SMCR8: variants seen among roughly 807,000 people sequenced by gnomAD.
The protein encoded by SMCR8 is SMCR8-C9orf72 complex subunit.
A neutral mutation model predicts 56.6 loss-of-function variants in SMCR8; 30 were observed. The observed-to-expected ratio is 0.53, with a 90% confidence interval of 0.40 to 0.72. The LOEUF is 0.72. Ranked by LOEUF, SMCR8 falls within the 30% of genes least tolerant of loss-of-function variation. The pLI, the probability that SMCR8 is intolerant of heterozygous loss-of-function variation, is 0.00. For missense variants in SMCR8, 1,198 were observed against 1,157.0 expected (o/e 1.04, Z -0.51); for synonymous variants, 538 against 456.0 (o/e 1.18, Z -2.29).
Position 18,317,780 on chromosome 17 carries a change from G to C in SMCR8, c.1991G>C (p.Ser664Thr), listed in dbSNP as rs1460979516. 3 of 1,614,180 alleles carry C rather than the reference G, an allele frequency of 1.9e-6. No homozygotes were observed. The highest frequency in any genetic ancestry group is 1.7e-5 in the Admixed American group (1 of 60,028). The change falls in exon 1 of 2, where the codon AGT becomes ACT. Residue 664 changes from serine (S) to threonine (T), a missense_variant. Ser to Thr is a moderately conservative substitution (Grantham distance 58). Transcript: ENST00000406438. ...PSHLLASRDI[S>T]KTSLDNYSDT... ...CACCTGCTGGCTAGCCGGGACATCA[G>C]TAAGACCAGCCTGGACAACTACTCA...
Position 18,315,844 on chromosome 17 carries a change from G to A in SMCR8, c.55G>A (p.Glu19Lys), listed in dbSNP as rs1329172835. The A allele has an allele frequency of 6.2e-7, 1 of 1,612,648 alleles. No individual in the cohort carries two copies. Among genetic ancestry groups the A allele is most frequent in the Non-Finnish European group, 8.5e-7 (1 of 1,178,810 alleles). Residue 19 changes from glutamate (E) to lysine (K), a missense_variant, in exon 1 of 2, where the codon GAG becomes AAG. Physicochemically the swap from Glu to Lys is moderately conservative, Grantham distance 56. Coordinates refer to ENST00000406438, the MANE Select transcript of SMCR8 (RefSeq NM_144775.3). ...AFTKEEEYEE[E>K]PYNEPALPEE... ...CACCAAAGAGGAAGAGTATGAAGAAGAGCCTTACAATGAGCCGGCCCTGCC... is the reference window on the plus strand; with the variant it reads ...CACCAAAGAGGAAGAGTATGAAGAAAAGCCTTACAATGAGCCGGCCCTGCC...
At chr17:18,320,154 G>C (rs1422741730) in intron 1 of SMCR8, among the ~76,000 whole-genome samples, 1 of 152,246 alleles carries the variant, frequency 6.6e-6, no homozygotes, top group Non-Finnish European at 1.5e-5. Context: ...TTGACCACTT[G>C]CTAGCTAGGT....
In SMCR8 at chr17:18,315,995, C is replaced by T; in HGVS notation, c.206C>T (p.Pro69Leu). Residue 69 changes from proline (P) to leucine (L), a missense_variant, in exon 1 of 2, where the codon CCC (proline) becomes CTC (leucine). By Grantham distance (98) the Pro-to-Leu change is moderately conservative. Coordinates refer to ENST00000406438, the MANE Select transcript of SMCR8 (RefSeq NM_144775.3). ...LISEFSEQVG[P>L]QPLLTIPNDT... Reference sequence around the variant, plus strand: ...TCCGAGTTCTCTGAGCAGGTGGGACCCCAACCCTTACTGACCATCCCCAAT... The same window carrying T: ...TCCGAGTTCTCTGAGCAGGTGGGACTCCAACCCTTACTGACCATCCCCAAT... 1 of 1,614,088 alleles carries T rather than the reference C, an allele frequency of 6.2e-7. No homozygotes were observed. Among genetic ancestry groups the T allele is most frequent in the Non-Finnish European group, 8.5e-7 (1 of 1,180,018 alleles).
Position 18,325,547 on chromosome 17 carries a change from GCAGTTT to G in SMCR8, c.*2480_*2485del. 1 of 152,290 alleles carries G rather than the reference GCAGTTT, an allele frequency of 6.6e-6. No individual in the cohort carries two copies. 9.4% of individuals were successfully genotyped at this position (152,290 alleles called of 1,614,324 possible). ...GGTTAAAAACTAACTTTTCAATGTGGCAGTTTCAAAGGATTACTTGATGCAAAGTAT... is the reference window on the plus strand; with the variant it reads ...GGTTAAAAACTAACTTTTCAATGTGGCAAAGGATTACTTGATGCAAAGTAT... On this transcript the variant is annotated 3_prime_UTR_variant, in exon 2 of 2. Coordinates refer to ENST00000406438, the MANE Select transcript of SMCR8 (RefSeq NM_144775.3).
rs1334467417 is a variant in SMCR8, at chr17:18,324,290, G to A, written c.*1220G>A. ...CCGTCCCCAGTTGAGTCCCCCTTCT[G>A]AGGACAAGTTTGAAACTGGGAAGGA... On this transcript the variant is annotated 3_prime_UTR_variant, in exon 2 of 2. Transcript: ENST00000406438. 6.6e-6 allele frequency: 1 copy of A among 152,216 alleles called. No individual in the cohort carries two copies. Among genetic ancestry groups the A allele is most frequent in the Non-Finnish European group, 1.5e-5 (1 of 68,058 alleles). The allele number at this position is 152,216 out of a possible 1,614,324, so 9.4% of individuals were successfully genotyped here.
chr17:18,318,786 T>C (rs1982411485), intron 1 of SMCR8, among the ~76,000 whole-genome samples: 1 of 152,230 alleles, frequency 6.6e-6, no homozygotes, highest in African/African-American at 2.4e-5. Flanking sequence ...ACATGGAATT[T>C]ATCTGTCGCC....
rs1982636093 is a variant in SMCR8, at chr17:18,325,909, G to A, written c.*2839G>A. ...ACCCCATCTCTACTAAAAATACAAA[G>A]AAAGTTAGCCAGGTCTGGTGGTGCG... On this transcript the variant is annotated 3_prime_UTR_variant, in exon 2 of 2. Coordinates refer to ENST00000406438, the MANE Select transcript of SMCR8 (RefSeq NM_144775.3). 6.6e-6 allele frequency: 1 copy of A among 152,070 alleles called. No individual in the cohort carries two copies. The highest frequency in any genetic ancestry group is 2.1e-4 in the South Asian group (1 of 4,820). The allele number at this position is 152,070 out of a possible 1,614,324, so 9.4% of individuals were successfully genotyped here.
In SMCR8 at chr17:18,315,528, CGAA is replaced by C. The variant is rs1386516087; in HGVS notation, c.-256_-254del. 11 of 429,398 alleles carry C rather than the reference CGAA, an allele frequency of 2.6e-5. No homozygotes were observed. Among genetic ancestry groups the C allele is most frequent in the East Asian group, 7.7e-5 (2 of 26,030 alleles). 26.6% of individuals were successfully genotyped at this position (429,398 alleles called of 1,614,324 possible). A position where few individuals can be genotyped will look rare whatever the true frequency, so the allele number is the denominator to read the frequency against. On this transcript the variant is annotated 5_prime_UTR_variant, in exon 1 of 2. Transcript: ENST00000406438. ...TCTTGTGCTGGCCGCGCTCGCCGGACGAAGAAGAGAAGGGCAGTTGGGCCTGCG... is the reference window on the plus strand; with the variant it reads ...TCTTGTGCTGGCCGCGCTCGCCGGACGAAGAGAAGGGCAGTTGGGCCTGCG...
rs1265281338 is a variant in SMCR8 at position 18,327,810 on chromosome 17, C to T, written c.*4740C>T. The T allele has an allele frequency of 2.0e-5, 3 of 152,580 alleles. No individual in the cohort carries two copies. Among genetic ancestry groups the T allele is most frequent in the Admixed American group, 2.0e-4 (3 of 15,270 alleles). 9.5% of individuals were successfully genotyped at this position (152,580 alleles called of 1,614,324 possible). On this transcript the variant is annotated 3_prime_UTR_variant, in exon 2 of 2. Coordinates refer to ENST00000406438, the MANE Select transcript of SMCR8 (RefSeq NM_144775.3). ...GCAGCTGGCGCGTGTGTGATAGCAT[C>T]TCGTAGGTGTTGCTGCACAAGAGTT...
intron 1 of SMCR8, among the ~76,000 whole-genome samples, chr17:18,319,332 T>C (rs528032549): frequency 1.8e-4 from 27 of 152,230 alleles, no homozygotes; most frequent in African/African-American, 6.3e-4. Context: ...AGTGCAGTGC[T>C]TGGCCCTGAG....
In SMCR8 at chr17:18,316,868, C is replaced by T. The variant is rs1982316302; in HGVS notation, c.1079C>T (p.Ala360Val). ...CYLLTSQIDRALLKQQHITNF... is the reference protein window; with the variant it reads ...CYLLTSQIDRVLLKQQHITNF... Reference sequence around the variant, plus strand: ...CTCCTGACCAGTCAGATTGATAGAGCACTTCTAAAACAACAGCATATAACA... The same window carrying T: ...CTCCTGACCAGTCAGATTGATAGAGTACTTCTAAAACAACAGCATATAACA... Residue 360 changes from alanine (A) to valine (V), a missense_variant, in exon 1 of 2, where the codon GCA becomes GTA. By Grantham distance (64) the Ala-to-Val change is moderately conservative (BLOSUM62 0). Transcript: ENST00000406438. The T allele has an allele frequency of 2.5e-6, 4 of 1,614,216 alleles. No homozygotes were observed. The highest frequency in any genetic ancestry group is 1.6e-4 in the Middle Eastern group (1 of 6,062).
Position 18,317,848 on chromosome 17 carries a change from G to A in SMCR8, c.2059G>A (p.Asp687Asn). 6.2e-7 allele frequency: 1 copy of A among 1,614,150 alleles called. No homozygotes were observed. The highest frequency in any genetic ancestry group is 8.5e-7 in the Non-Finnish European group (1 of 1,180,032). The change falls in exon 1 of 2, where the codon GAC (aspartate) becomes AAC (asparagine). Residue 687 changes from aspartate to asparagine, a missense_variant. Physicochemically the swap from Asp to Asn is conservative, Grantham distance 23 (BLOSUM62 1). Transcript: ENST00000406438. ...YVSSVASTSS[D>N]RIPSAYPAGL... ...GAGCAGTGTAGCGTCCACCAGCTCA[G>A]ACAGGATCCCCTCTGCTTATCCTGC...
chr17:18,323,866 A>C lies in SMCR8; in HGVS notation c.*796A>C, dbSNP rs1441746226. ...TGGTGAGGACCACCTTGGGGGCTGG[A>C]GAGCACAGCAGGCAGAGCAGGGCTG... On this transcript the variant is annotated 3_prime_UTR_variant, in exon 2 of 2. Transcript: ENST00000406438. The C allele has an allele frequency of 1.3e-5, 2 of 152,560 alleles. No homozygotes were observed. Among genetic ancestry groups the C allele is most frequent in the Non-Finnish European group, 2.9e-5 (2 of 68,308 alleles). The allele number at this position is 152,560 out of a possible 1,614,324, so 9.5% of individuals were successfully genotyped here.
Position 18,315,960 on chromosome 17 carries a change from C to T in SMCR8, c.171C>T (p.Phe57=). The T allele has an allele frequency of 6.2e-7, 1 of 1,614,178 alleles. No individual in the cohort carries two copies. Among genetic ancestry groups the T allele is most frequent in the Non-Finnish European group, 8.5e-7 (1 of 1,180,034 alleles). Residue 57 remains phenylalanine, a synonymous_variant, in exon 1 of 2, where the codon TTC becomes TTT. Coordinates refer to ENST00000406438, the MANE Select transcript of SMCR8 (RefSeq NM_144775.3). ...KLSGAKFSRD[F]ILISEFSEQV... is the part of the protein sequence containing the mutation. ...CCGGGGCCAAGTTTTCGAGGGACTT[C>T]ATTCTTATTTCCGAGTTCTCTGAGC... is the stretch of plus-strand genomic sequence containing the variant.
Position 18,317,486 on chromosome 17 carries a change from T to C in SMCR8, c.1697T>C (p.Leu566Pro). The C allele has an allele frequency of 6.2e-7, 1 of 1,614,060 alleles. No homozygotes were observed. Among genetic ancestry groups the C allele is most frequent in the South Asian group, 1.1e-5 (1 of 91,084 alleles). Residue 566 changes from leucine (L) to proline (P), a missense_variant, in exon 1 of 2, where the codon CTG becomes CCG. By Grantham distance (98) the Leu-to-Pro change is moderately conservative (BLOSUM62 -3). Coordinates refer to ENST00000406438, the MANE Select transcript of SMCR8 (RefSeq NM_144775.3). ...CAGGCAAGCATCAGTCCTCCAGAAC[T>C]GGGTGAGACAGAGGAAGGCAGCATA... Reference protein sequence around the residue: ...RFQASISPPELGETEEGSIEN... With the variant: ...RFQASISPPEPGETEEGSIEN...
rs1228181620 is a variant in SMCR8 at position 18,323,215 on chromosome 17, T to A, written c.*145T>A. 2.8e-6 allele frequency: 2 copies of A among 711,556 alleles called. No homozygotes were observed. Among genetic ancestry groups the A allele is most frequent in the Non-Finnish European group, 4.6e-6 (2 of 434,196 alleles). The allele number at this position is 711,556 out of a possible 1,614,324, so 44.1% of individuals were successfully genotyped here. ...GTTCCCACGTGGCTCCTAGTAGTTT[T>A]TAAGTTGGACATGGGCAGAAGTGGA... On this transcript the variant is annotated 3_prime_UTR_variant, in exon 2 of 2. Coordinates refer to ENST00000406438, the MANE Select transcript of SMCR8 (RefSeq NM_144775.3).
chr17:18,317,942 C>T lies in SMCR8; in HGVS notation c.2153C>T (p.Pro718Leu). Reference sequence around the variant, plus strand: ...GCCTTAAAATTCATCCGCCAGTACCCCTTTGCCCACCCAGCCATCTACTCC... The same window carrying T: ...GCCTTAAAATTCATCCGCCAGTACCTCTTTGCCCACCCAGCCATCTACTCC... ...QNALKFIRQY[P>L]FAHPAIYSLL... Residue 718 changes from proline to leucine, a missense_variant, in exon 1 of 2, where the codon CCC (proline) becomes CTC (leucine). Physicochemically the swap from Pro to Leu is moderately conservative, Grantham distance 98. Transcript: ENST00000406438. The T allele has an allele frequency of 6.2e-7, 1 of 1,614,198 alleles. No homozygotes were observed. The highest frequency in any genetic ancestry group is 8.5e-7 in the Non-Finnish European group (1 of 1,180,040).
Position 18,326,634 on chromosome 17 carries a change from C to T in SMCR8, c.*3564C>T, listed in dbSNP as rs1043640358. 1 of 152,280 alleles carries T rather than the reference C, an allele frequency of 6.6e-6. No homozygotes were observed. Among genetic ancestry groups the T allele is most frequent in the African/African-American group, 2.4e-5 (1 of 41,476 alleles). The allele number at this position is 152,280 out of a possible 1,614,324, so 9.4% of individuals were successfully genotyped here. A position where few individuals can be genotyped will look rare whatever the true frequency, so the allele number is the denominator to read the frequency against. On this transcript the variant is annotated 3_prime_UTR_variant, in exon 2 of 2. Coordinates refer to ENST00000406438, the MANE Select transcript of SMCR8 (RefSeq NM_144775.3). ...ATATTCAAAGTATAGTAGATTTCAA[C>T]CTCACACAAATGACAAGTCCCATTT...
chr17:18,317,735 C>T lies in SMCR8; in HGVS notation c.1946C>T (p.Ala649Val). 1 of 1,614,174 alleles carries T rather than the reference C, an allele frequency of 6.2e-7. No individual in the cohort carries two copies. Among genetic ancestry groups the T allele is most frequent in the Non-Finnish European group, 8.5e-7 (1 of 1,180,044 alleles). The change falls in exon 1 of 2, where the codon GCT becomes GTT. Residue 649 changes from alanine (A) to valine (V), a missense_variant. Physicochemically the swap from Ala to Val is moderately conservative, Grantham distance 64. Transcript: ENST00000406438. ...GACAACAGTTGTGAAGGGTTTCCCG[C>T]TTATGAGCTGGACCCGAGCCACCTG... is the stretch of plus-strand genomic sequence containing the variant. ...SRDNSCEGFP[A>V]YELDPSHLLA...
Sources: allele counts gnomAD v4.1 joint callset (sites outside exome capture counted in the v4.1 genomes callset), GRCh38; gene constraint gnomAD v4.1.1; transcripts MANE v1.5; gene names NCBI Gene and HGNC (gene_info 2026-07-23, HGNC 2026-07-21).